Variants in MALRD1 observed in about 807,000 individuals in gnomAD.
MALRD1 encodes MAM and LDL-receptor class A domain-containing protein 1.
MALRD1 carries 247 observed loss-of-function variants against 242.1 expected under a neutral mutation model. The ratio of observed to expected loss-of-function variants is 1.02; its 90% CI spans 0.92 to 1.13. The LOEUF is 1.13. Among genes scored for constraint, MALRD1 ranks in the 50% most tolerant of loss-of-function variants. The probability of loss-of-function intolerance (pLI) is 0.00; values close to 1 mark genes in which losing one functional copy is unlikely to be tolerated. For missense variants in MALRD1, 2,989 were observed against 2,533.1 expected (o/e 1.18, Z -3.86); for synonymous variants, 995 against 866.6 (o/e 1.15, Z -2.60).
intron 18 of MALRD1, among the ~76,000 whole-genome samples, chr10:19,219,966 C>T (rs914787929): frequency 6.6e-6 from 1 of 152,130 alleles, no homozygotes; most frequent in South Asian, 2.1e-4. Context: ...TATTTGTTAT[C>T]ATAGATGGTC....
chr10:19,718,052 A>G (rs1041526386), intron 38 of MALRD1, among the ~76,000 whole-genome samples: 2 of 150,748 alleles, frequency 1.3e-5, no homozygotes, highest in Non-Finnish European at 3.0e-5. Flanking sequence ...GAAGAGGAAG[A>G]AGAAGAGGAA....
At chr10:19,090,516 C>T (rs1265309467) in intron 4 of MALRD1, among the ~76,000 whole-genome samples, 1 of 54,864 alleles carries the variant, frequency 1.8e-5, no homozygotes, top group Non-Finnish European at 3.2e-5. Context: ...TCTAGATAAA[C>T]AATCATGTCG....
At chr10:19,190,748 T>G (rs1052069317) in intron 14 of MALRD1, among the ~76,000 whole-genome samples, 3 of 151,408 alleles carry the variant, frequency 2.0e-5, no homozygotes, top group African/African-American at 7.3e-5. Context: ...AAACTAGATA[T>G]CAACTTGCGA....
intron 19 of MALRD1, among the ~76,000 whole-genome samples, chr10:19,278,280 G>A (rs750116299): frequency 6.6e-6 from 1 of 151,978 alleles, no homozygotes; most frequent in Non-Finnish European, 1.5e-5. Flanking sequence ...TTTTCACCTG[G>A]CAAGATGAGC....
chr10:19,681,904 G>T (rs1344938309), intron 36 of MALRD1, among the ~76,000 whole-genome samples: 5 of 148,302 alleles, frequency 3.4e-5, no homozygotes, highest in African/African-American at 1.0e-4. Context: ...TTTCCAGGCT[G>T]GATTGCAATG....
At chr10:19,537,131 C>A (rs181980358) in intron 32 of MALRD1, among the ~76,000 whole-genome samples, 7 of 152,218 alleles carry the variant, frequency 4.6e-5, no homozygotes, top group Admixed American at 2.6e-4. Context: ...GAGATCAGGT[C>A]ATTTATGACC....
chr10:19,289,274 A>G (rs1208958201), intron 21 of MALRD1, among the ~76,000 whole-genome samples: 2 of 152,066 alleles, frequency 1.3e-5, no homozygotes, highest in African/African-American at 2.4e-5. Context: ...GTATTTCCGT[A>G]TTTCCTCTCA....
At chr10:19,407,764 G>T (rs1833098824) in intron 28 of MALRD1, among the ~76,000 whole-genome samples, 1 of 152,120 alleles carries the variant, frequency 6.6e-6, no homozygotes, top group Admixed American at 6.5e-5. Context: ...AGTATAAATT[G>T]GTAAAACAAT....
chr10:19,301,356 T>C (rs1203856848), intron 21 of MALRD1, among the ~76,000 whole-genome samples: 2 of 151,776 alleles, frequency 1.3e-5, no homozygotes, highest in East Asian at 1.9e-4. Flanking sequence ...AATCCCATTA[T>C]TGAGTATATA....
In MALRD1 at chr10:19,262,553, G is replaced by A. The variant is rs185025778; in HGVS notation, c.3079+4782G>A. On this transcript the variant is annotated intron_variant, in intron 19 of 39. Transcript: ENST00000454679. ...CACTTGTAATCCCAGCTACTTAGGA[G>A]GCTGAGGCAGGAGAATTGCTTGAAA... 3.5e-4 allele frequency among the ~76,000 whole-genome samples: 53 copies of A among 151,954 alleles called. 1 individual carries two copies. In the East Asian group the frequency reaches 9.3e-3, roughly 27 times the overall value.
chr10:19,719,171 C>CATATATATAT (rs1230730939), intron 38 of MALRD1, among the ~76,000 whole-genome samples: 7 of 69,618 alleles, frequency 1.0e-4, no homozygotes, highest in Non-Finnish European at 1.7e-4. Flanking sequence ...TATATATATA[C>CATATATATAT]ATACATATAT....
chr10:19,445,477 A>G (rs376231473), intron 28 of MALRD1, among the ~76,000 whole-genome samples: 1 of 152,152 alleles, frequency 6.6e-6, no homozygotes, highest in East Asian at 1.9e-4. Context: ...TGATGGTGAC[A>G]TACAGATGGG....
At chr10:19,717,502 G>A (rs572705116) in intron 38 of MALRD1, among the ~76,000 whole-genome samples, 1 of 152,280 alleles carries the variant, frequency 6.6e-6, no homozygotes, top group Admixed American at 6.5e-5. Context: ...TGGGCCATCA[G>A]TGTAAATGTC....
intron 34 of MALRD1, among the ~76,000 whole-genome samples, chr10:19,600,966 C>G (rs949878906): frequency 6.6e-6 from 1 of 152,046 alleles, no homozygotes; most frequent in African/African-American, 2.4e-5. Context: ...ATCACTGCAG[C>G]CTTGCCCTCC....
chr10:19,457,475 C>G lies in MALRD1; in HGVS notation c.5029+6985C>G, dbSNP rs1368575473. Among the ~76,000 whole-genome samples, 3 of 152,086 alleles carry G rather than the reference C, an allele frequency of 2.0e-5. No homozygotes were observed. In the East Asian group the frequency reaches 5.8e-4, roughly 29 times the overall value. ...GAAAGCTGCCCAGGGTGGATGTAAT[C>G]TCATCTGTGCAAGACCCTGTTGCAC... On this transcript the variant is annotated intron_variant, in intron 29 of 39. Transcript: ENST00000454679.
At chr10:19,568,362 TG>T (rs1836352333) in intron 33 of MALRD1, among the ~76,000 whole-genome samples, 1 of 150,216 alleles carries the variant, frequency 6.7e-6, no homozygotes, top group South Asian at 2.1e-4. Flanking sequence ...TTGTTGTTGT[TG>T]TTGTTGTTTT....
chr10:19,052,121 C>A, intron 1 of MALRD1: 2 of 455,766 alleles, frequency 4.4e-6, no homozygotes, highest in South Asian at 1.7e-5. Context: ...ATTCATATAG[C>A]ATCAAAGTTG....
chr10:19,392,072 T>C, intron 28 of MALRD1, among the ~76,000 whole-genome samples: 1 of 152,248 alleles, frequency 6.6e-6, no homozygotes, highest in East Asian at 1.9e-4. Flanking sequence ...TGAACAATAA[T>C]TAATTGGTAG....
intron 38 of MALRD1, among the ~76,000 whole-genome samples, chr10:19,723,544 C>G (rs187425395): frequency 9.7e-4 from 148 of 152,034 alleles, no homozygotes; most frequent in Middle Eastern, 3.4e-3. Context: ...AGTTCAAGAC[C>G]AGACTGGACA....
Sources: gnomAD v4.1 joint callset for allele counts (sites outside exome capture counted in the v4.1 genomes callset) on GRCh38, gnomAD v4.1.1 for gene constraint, MANE v1.5 for transcripts, NCBI Gene and HGNC (gene_info 2026-07-23, HGNC 2026-07-21) for gene names.